Variants in DTX3L observed in about 807,000 individuals in gnomAD.
The protein encoded by DTX3L is E3 ubiquitin-protein ligase DTX3L.
DTX3L carries 34 observed loss-of-function variants against 60.9 expected under a neutral mutation model. The ratio of observed to expected loss-of-function variants is 0.56; its 90% CI spans 0.42 to 0.74. DTX3L has a LOEUF of 0.74. Among genes scored for constraint, DTX3L ranks in the 30% least tolerant of loss-of-function variants. The pLI, the probability that DTX3L is intolerant of heterozygous loss-of-function variation, is 0.00. For synonymous variants in DTX3L, 290 were observed against 316.6 expected, an observed-to-expected ratio of 0.92 and a Z score of 0.89; for missense variants, 810 against 874.0, an observed-to-expected ratio of 0.93 and a Z score of 0.92.
chr3:122,570,798 C>T (rs763634965), intron 4 of DTX3L, 126 bp downstream of exon 4: 227 of 961,326 alleles, frequency 2.4e-4, no homozygotes, highest in Middle Eastern at 8.9e-4. Flanking sequence ...AGCTGCTGAT[C>T]GGGGATGGTA....
chr3:122,564,413 C>G lies in DTX3L; in HGVS notation c.-14C>G. The G allele has an allele frequency of 6.2e-7, 1 of 1,602,326 alleles. No homozygotes were observed. The highest frequency in any genetic ancestry group is 8.5e-7 in the Non-Finnish European group (1 of 1,175,082). ...GCCTCCCGGAGCCCCCGCGCCCTCC[C>G]GACGCGCAGAGCCATGGCCTCCCAC... On this transcript the variant is annotated 5_prime_UTR_variant, in exon 1 of 5. Transcript: ENST00000296161.
chr3:122,566,483 C>T (rs2080592530), intron 2 of DTX3L, among the ~76,000 whole-genome samples: 1 of 151,952 alleles, frequency 6.6e-6, no homozygotes, highest in African/African-American at 2.4e-5. Flanking sequence ...CCTCTCACCT[C>T]AGTCTCCTGA....
Position 122,571,826 on chromosome 3 carries a change from C to A in DTX3L, c.*79C>A. The A allele has an allele frequency of 1.6e-6, 2 of 1,224,276 alleles. No individual in the cohort carries two copies. Among genetic ancestry groups the A allele is most frequent in the South Asian group, 1.5e-5 (1 of 68,556 alleles). 75.8% of individuals were successfully genotyped at this position (1,224,276 alleles called of 1,614,324 possible). ...AGGCTGATTTAATGCCAGTCTAAATCCTTATGTAGAAAGGACTTTGAAATT... is the reference window on the plus strand; with the variant it reads ...AGGCTGATTTAATGCCAGTCTAAATACTTATGTAGAAAGGACTTTGAAATT... On this transcript the variant is annotated 3_prime_UTR_variant, in exon 5 of 5. Coordinates refer to ENST00000296161, the MANE Select transcript of DTX3L (RefSeq NM_138287.3).
At position 122,569,973 on chromosome 3, in the gene DTX3L, G is replaced by A; in HGVS notation, c.1884G>A (p.Glu628=). ...TVSRDSLPGY[E]SFGTIVITYS... is the part of the protein sequence containing the mutation. Reference sequence around the variant, plus strand: ...CAAGAGACTCACTTCCAGGTTATGAGTCCTTTGGCACCATTGTGATTACTT... The same window carrying A: ...CAAGAGACTCACTTCCAGGTTATGAATCCTTTGGCACCATTGTGATTACTT... The change falls in exon 3 of 5, where the codon GAG becomes GAA. Residue 628 remains glutamate (E), a synonymous_variant. Coordinates refer to ENST00000296161, the MANE Select transcript of DTX3L (RefSeq NM_138287.3). 6.2e-7 allele frequency: 1 copy of A among 1,614,094 alleles called. No individual in the cohort carries two copies. The highest frequency in any genetic ancestry group is 8.5e-7 in the Non-Finnish European group (1 of 1,180,018).
rs1276528232 is a variant in DTX3L at position 122,570,453 on chromosome 3, A to C, written c.1936-2A>C. Reference sequence around the variant, plus strand: ...ACATGACATTTTCTTGTTCTCACACAGGAAGAACACCCAAACCCAGGAAAG... The same window carrying C: ...ACATGACATTTTCTTGTTCTCACACCGGAAGAACACCCAAACCCAGGAAAG... On this transcript the variant is annotated splice_acceptor_variant, in intron 3 of 4. Transcript: ENST00000296161. LOFTEE classifies it high-confidence loss of function. 6.2e-7 allele frequency: 1 copy of C among 1,613,922 alleles called. No individual in the cohort carries two copies. The highest frequency in any genetic ancestry group is 1.3e-5 in the African/African-American group (1 of 75,044).
chr3:122,564,342 CT>C lies in DTX3L; in HGVS notation c.-82del. 1 of 1,451,462 alleles carries C rather than the reference CT, an allele frequency of 6.9e-7. No individual in the cohort carries two copies. 89.9% of individuals were successfully genotyped at this position (1,451,462 alleles called of 1,614,324 possible). On this transcript the variant is annotated 5_prime_UTR_variant, in exon 1 of 5. Coordinates refer to ENST00000296161, the MANE Select transcript of DTX3L (RefSeq NM_138287.3). ...GACCTCCAGGGAAGCGAAACTGAAA[CT>C]TTGCGCCCAGTCCGCAGGGCGGGCC... is the stretch of plus-strand genomic sequence containing the variant.
At chr3:122,565,558 A>G (rs925345432) in intron 1 of DTX3L, among the ~76,000 whole-genome samples, 28 of 128,174 alleles carry the variant, frequency 2.2e-4, no homozygotes, top group Admixed American at 4.8e-4. Context: ...GGAGGGAGGG[A>G]GGGAAAGAAG....
chr3:122,568,631 T>C lies in DTX3L; in HGVS notation c.542T>C (p.Ile181Thr), dbSNP rs775220810. The stretch of plus-strand genomic sequence containing the variant: ...AAGGTGTGTGGTGACTTCCAAGACA[T>C]TGAAAGAATACATCAATTTTTGAGT... ...IEKVCGDFQD[I>T]ERIHQFLSEQ... is the part of the protein sequence containing the mutation. Residue 181 changes from isoleucine to threonine, a missense_variant, in exon 3 of 5, where the codon ATT (isoleucine) becomes ACT (threonine). Coordinates refer to ENST00000296161, the MANE Select transcript of DTX3L (RefSeq NM_138287.3). 6 of 1,614,126 alleles carry C rather than the reference T, an allele frequency of 3.7e-6. No individual in the cohort carries two copies. The highest frequency in any genetic ancestry group is 4.2e-6 in the Non-Finnish European group (5 of 1,180,028).
Position 122,569,423 on chromosome 3 carries a change from C to T in DTX3L, c.1334C>T (p.Ser445Leu), listed in dbSNP as rs760579017. The T allele has an allele frequency of 1.9e-6, 3 of 1,614,172 alleles. No individual in the cohort carries two copies. The highest frequency in any genetic ancestry group is 2.5e-6 in the Non-Finnish European group (3 of 1,180,030). ...TTCATCGATGCCTTTCAACATGCCT[C>T]ATGTCAGTTGATGAGAGAAGTTCTT... ...ASFIDAFQHASCQLMREVLLL... is the reference protein window; with the variant it reads ...ASFIDAFQHALCQLMREVLLL... Residue 445 changes from serine (S) to leucine (L), a missense_variant, in exon 3 of 5, where the codon TCA (serine) becomes TTA (leucine). Physicochemically the swap from Ser to Leu is moderately radical, Grantham distance 145. Coordinates refer to ENST00000296161, the MANE Select transcript of DTX3L (RefSeq NM_138287.3).
At position 122,571,921 on chromosome 3, in the gene DTX3L, T is replaced by C. The variant is rs1382974417; in HGVS notation, c.*174T>C. ...TCTGTCATTTCTGGAGTGATACTTT[T>C]TTTTTTGAGACGGAGTCTGCTCTGT... On this transcript the variant is annotated 3_prime_UTR_variant, in exon 5 of 5. Coordinates refer to ENST00000296161, the MANE Select transcript of DTX3L (RefSeq NM_138287.3). 3.3e-5 allele frequency: 17 copies of C among 516,064 alleles called. No individual in the cohort carries two copies. The highest frequency in any genetic ancestry group is 5.4e-5 in the Non-Finnish European group (16 of 293,964). The allele number at this position is 516,064 out of a possible 1,614,324, so 32.0% of individuals were successfully genotyped here.
chr3:122,568,809 G>A lies in DTX3L; in HGVS notation c.720G>A (p.Leu240=), dbSNP rs1321714265. 2 of 1,613,988 alleles carry A rather than the reference G, an allele frequency of 1.2e-6. No individual in the cohort carries two copies. Among genetic ancestry groups the A allele is most frequent in the Admixed American group, 1.7e-5 (1 of 60,016 alleles). ...EQKSNYFEVP[L]PYFEYFKYIC... is the part of the protein sequence containing the mutation. Reference sequence around the variant, plus strand: ...AAAGCAACTATTTTGAAGTTCCCTTGCCTTACTTTGAATACTTTAAATATA... The same window carrying A: ...AAAGCAACTATTTTGAAGTTCCCTTACCTTACTTTGAATACTTTAAATATA... Residue 240 remains leucine, a synonymous_variant, in exon 3 of 5, where the codon TTG becomes TTA. Transcript: ENST00000296161.
rs758989979 is a variant in DTX3L at position 122,570,458 on chromosome 3, G to A, written c.1939G>A (p.Glu647Lys). 1.9e-6 allele frequency: 3 copies of A among 1,613,954 alleles called. No individual in the cohort carries two copies. The African/African-American group carries it at 4.0e-5, about 22-fold the overall frequency. The change falls in exon 4 of 5, where the codon GAA becomes AAA. Residue 647 changes from glutamate to lysine, a missense_variant. Coordinates refer to ENST00000296161, the MANE Select transcript of DTX3L (RefSeq NM_138287.3). ...YSMKAGIQTE[E>K]HPNPGKRYPG... ...ACATTTTCTTGTTCTCACACAGGAA[G>A]AACACCCAAACCCAGGAAAGAGATA...
At chr3:122,570,348 C>T in intron 3 of DTX3L, 107 bp from the exon 4 acceptor site, 1 of 1,130,188 alleles carries the variant, frequency 8.8e-7, no homozygotes, top group South Asian at 1.4e-5. Flanking sequence ...AACTTCAATA[C>T]CTTTCTTGCT....
intron 4 of DTX3L, 39 bp from the exon 5 acceptor site, chr3:122,571,639 C>T (rs1246610328): frequency 6.5e-7 from 1 of 1,527,866 alleles, no homozygotes; most frequent in African/African-American, 1.4e-5. Context: ...CATATCCGAA[C>T]AATTTGTGGT....
rs2080506508 is a variant in DTX3L, at chr3:122,564,409, C to G, written c.-18C>G. ...AGCTGCCTCCCGGAGCCCCCGCGCC[C>G]TCCCGACGCGCAGAGCCATGGCCTC... On this transcript the variant is annotated 5_prime_UTR_variant, in exon 1 of 5. Coordinates refer to ENST00000296161, the MANE Select transcript of DTX3L (RefSeq NM_138287.3). The G allele has an allele frequency of 6.2e-7, 1 of 1,601,040 alleles. No individual in the cohort carries two copies. Among genetic ancestry groups the G allele is most frequent in the Non-Finnish European group, 8.5e-7 (1 of 1,174,582 alleles).
Position 122,565,873 on chromosome 3 carries a change from T to C in DTX3L, c.202T>C (p.Leu68=). Residue 68 remains leucine (L), a synonymous_variant, in exon 2 of 5, where the codon TTG becomes CTG. Transcript: ENST00000296161. ...CTCCACTGAAGCTAAGGAGAGAGTG[T>C]TGAAAAAAGGAGAGCACCAAATACT... ...FSERAAKERV[L]KKGEHQILVD... 1 of 1,613,976 alleles carries C rather than the reference T, an allele frequency of 6.2e-7. No individual in the cohort carries two copies. The highest frequency in any genetic ancestry group is 8.5e-7 in the Non-Finnish European group (1 of 1,180,000).
At chr3:122,570,734 A>G in intron 4 of DTX3L, 62 bp downstream of exon 4, 4 of 1,552,072 alleles carry the variant, frequency 2.6e-6, no homozygotes, top group Non-Finnish European at 3.6e-6. Context: ...AAATACGGCA[A>G]TTTCTGGATG....
chr3:122,569,401 A>G lies in DTX3L; in HGVS notation c.1312A>G (p.Ile438Val), dbSNP rs1352339295. Residue 438 changes from isoleucine (I) to valine (V), a missense_variant, in exon 3 of 5, where the codon ATC becomes GTC. By Grantham distance (29) the Ile-to-Val change is conservative (BLOSUM62 3). Coordinates refer to ENST00000296161, the MANE Select transcript of DTX3L (RefSeq NM_138287.3). Reference sequence around the variant, plus strand: ...ATCTGTGCATGCTTATGCAAGTTTCATCGATGCCTTTCAACATGCCTCATG... The same window carrying G: ...ATCTGTGCATGCTTATGCAAGTTTCGTCGATGCCTTTCAACATGCCTCATG... ...DLSVHAYASF[I>V]DAFQHASCQL... 8 of 1,614,196 alleles carry G rather than the reference A, an allele frequency of 5.0e-6. No homozygotes were observed. The highest frequency in any genetic ancestry group is 6.8e-6 in the Non-Finnish European group (8 of 1,180,038).
intron 2 of DTX3L, 103 bp from the exon 3 acceptor site, chr3:122,568,386 T>C: frequency 7.6e-6 from 5 of 660,700 alleles, no homozygotes; most frequent in East Asian, 6.6e-5. Flanking sequence ...TTGGGAAAGA[T>C]GTAGTGGTTG....
Sources: gnomAD v4.1 joint callset for allele counts (sites outside exome capture counted in the v4.1 genomes callset) on GRCh38, gnomAD v4.1.1 for gene constraint, MANE v1.5 for transcripts, NCBI Gene and HGNC (gene_info 2026-07-23, HGNC 2026-07-21) for gene names.